Variants in COL22A1 observed in about 807,000 individuals in gnomAD.
The protein encoded by COL22A1 is collagen alpha-1(XXII) chain.
Under a neutral mutation model 248.9 loss-of-function variants are expected in COL22A1, and 221 were observed. The observed-to-expected ratio is 0.89, with a 90% CI of 0.80 to 0.99. The LOEUF is 0.99. COL22A1 is among the 50% of genes least tolerant of loss of function. The probability of loss-of-function intolerance (pLI) is 0.00; values close to 1 mark genes in which losing one functional copy is unlikely to be tolerated. For synonymous variants in COL22A1, 891 were observed against 793.4 expected, an observed-to-expected ratio of 1.12 and a Z score of -2.07; for missense variants, 2,240 against 2,179.0, an observed-to-expected ratio of 1.03 and a Z score of -0.56.
chr8:138,846,472 A>C (rs188227318), intron 3 of COL22A1, among the ~76,000 whole-genome samples: 5 of 152,332 alleles, frequency 3.3e-5, no homozygotes, highest in Admixed American at 3.3e-4. Flanking sequence ...TTGCTTTAAG[A>C]AATCTTTCTC....
intron 41 of COL22A1, 104 bp downstream of exon 41, chr8:138,676,454 A>AAAGAAAGAAAGAAAGAAAGGAAGAAAGG (rs71582022): frequency 4.8e-6 from 2 of 415,916 alleles, no homozygotes; most frequent in Non-Finnish European, 8.5e-6. Flanking sequence ...AGAAAGAAAG[A>AAAGAAAGAAAGAAAGAAAGGAAGAAAGG]AAGGAAGAAA....
chr8:138,673,871 G>A (rs1439958918), intron 41 of COL22A1, among the ~76,000 whole-genome samples: 5 of 152,040 alleles, frequency 3.3e-5, no homozygotes, highest in South Asian at 2.1e-4. Flanking sequence ...TCTGGGAGTC[G>A]ACTCCCCAGG....
intron 16 of COL22A1, among the ~76,000 whole-genome samples, chr8:138,768,277 C>T (rs191689594): frequency 3.7e-4 from 57 of 152,330 alleles, no homozygotes; most frequent in African/African-American, 1.3e-3. Context: ...CTGTCTTGCT[C>T]ACTCTCGGCC....
chr8:138,704,674 A>C (rs1828261205), intron 30 of COL22A1, among the ~76,000 whole-genome samples: 1 of 152,138 alleles, frequency 6.6e-6, no homozygotes, highest in African/African-American at 2.4e-5. Flanking sequence ...GATGGGGAGA[A>C]ACCAGAGCAG....
chr8:138,712,268 C>T (rs1829033533), intron 30 of COL22A1, among the ~76,000 whole-genome samples: 1 of 152,228 alleles, frequency 6.6e-6, no homozygotes, highest in Non-Finnish European at 1.5e-5. Context: ...AAGAATGGTG[C>T]TCTTTCTACT....
intron 3 of COL22A1, among the ~76,000 whole-genome samples, chr8:138,866,468 T>C (rs73351953): frequency 0.22 from 33,647 of 152,200 alleles, 5,024 homozygotes; most frequent in African/African-American, 0.42. Flanking sequence ...TATGTTTAGG[T>C]GTATGTCCTT....
intron 22 of COL22A1, among the ~76,000 whole-genome samples, chr8:138,742,606 G>A: frequency 6.6e-6 from 1 of 152,068 alleles, no homozygotes; most frequent in African/African-American, 2.4e-5. Context: ...TGGTGATGGT[G>A]GAGTTGAGGG....
chr8:138,832,506 C>T (rs1820124443), intron 5 of COL22A1, among the ~76,000 whole-genome samples: 1 of 152,158 alleles, frequency 6.6e-6, no homozygotes, highest in Non-Finnish European at 1.5e-5. Flanking sequence ...CAAATCTTTA[C>T]ATCATATCCT....
intron 46 of COL22A1, among the ~76,000 whole-genome samples, chr8:138,648,942 T>A (rs192443115): frequency 6.6e-6 from 1 of 152,344 alleles, no homozygotes; most frequent in Admixed American, 6.5e-5. Flanking sequence ...TGAGATTTCT[T>A]CCTGTCCTTA....
intron 30 of COL22A1, among the ~76,000 whole-genome samples, chr8:138,703,925 C>T (rs1386791738): frequency 2.6e-5 from 4 of 152,218 alleles, no homozygotes; most frequent in Non-Finnish European, 4.4e-5. Flanking sequence ...CACTCCCACC[C>T]TAATACTGTG....
At chr8:138,723,367 G>A (rs2131154378) in intron 25 of COL22A1, among the ~76,000 whole-genome samples, 1 of 152,234 alleles carries the variant, frequency 6.6e-6, no homozygotes. Context: ...GGCTTTTGAG[G>A]GGATTAAGGC....
chr8:138,817,970 C>T (rs897508509), intron 7 of COL22A1, among the ~76,000 whole-genome samples: 4 of 152,100 alleles, frequency 2.6e-5, no homozygotes, highest in Admixed American at 2.6e-4. Context: ...GGATGTGGGG[C>T]TATTTGCTAA....
chr8:138,902,858 G>A (rs1814720722), intron 1 of COL22A1, among the ~76,000 whole-genome samples: 1 of 151,680 alleles, frequency 6.6e-6, no homozygotes, highest in Non-Finnish European at 1.5e-5. Flanking sequence ...CAAGGCTTGT[G>A]AAGGCACAGG....
intron 1 of COL22A1, among the ~76,000 whole-genome samples, chr8:138,889,403 G>C (rs909818417): frequency 6.6e-6 from 1 of 152,208 alleles, no homozygotes; most frequent in Non-Finnish European, 1.5e-5. Context: ...ATGAGTTCAC[G>C]TCCTTTGTAG....
At chr8:138,778,257 T>G (rs749525602) in intron 15 of COL22A1, 96 bp downstream of exon 15, 13 of 1,354,356 alleles carry the variant, frequency 9.6e-6, no homozygotes, top group Non-Finnish European at 1.4e-5. Flanking sequence ...AAAACAGCAT[T>G]ACTGTCTAGA....
chr8:138,912,509 G>A (rs908906889), intron 1 of COL22A1, among the ~76,000 whole-genome samples: 4 of 152,234 alleles, frequency 2.6e-5, no homozygotes, highest in African/African-American at 7.2e-5. Flanking sequence ...GGGAGGCCAA[G>A]GTGGGCGGAT....
chr8:138,846,548 C>A (rs1821256834), intron 3 of COL22A1, among the ~76,000 whole-genome samples: 1 of 152,162 alleles, frequency 6.6e-6, no homozygotes, highest in South Asian at 2.1e-4. Flanking sequence ...GCTCGAGGGG[C>A]AGTTTATAGT....
Position 138,738,615 on chromosome 8 carries a change from T to C in COL22A1, c.2086-1038A>G, listed in dbSNP as rs541623550. On this transcript the variant is annotated intron_variant, in intron 22 of 64. Coordinates refer to ENST00000303045, the MANE Select transcript of COL22A1 (RefSeq NM_152888.3). The stretch of plus-strand genomic sequence containing the variant: ...CCCATGTTCTCATCCCATTGACGAG[T>C]GTGCAAATCGAGGCTCAGACCTCAT... Among the ~76,000 whole-genome samples the C allele has an allele frequency of 1.2e-3, 181 of 152,278 alleles. 1 individual carries two copies. Among genetic ancestry groups the C allele is most frequent in the Non-Finnish European group, 1.2e-3 (82 of 68,024 alleles).
At chr8:138,652,262 C>T (rs764817750) in intron 45 of COL22A1, among the ~76,000 whole-genome samples, 2 of 152,242 alleles carry the variant, frequency 1.3e-5, no homozygotes, top group Non-Finnish European at 2.9e-5. Flanking sequence ...CTCTGTCCAC[C>T]TGGAATCATG....
Sources: allele counts gnomAD v4.1 joint callset (sites outside exome capture counted in the v4.1 genomes callset), GRCh38; gene constraint gnomAD v4.1.1; transcripts MANE v1.5; gene names NCBI Gene and HGNC (gene_info 2026-07-23, HGNC 2026-07-21).